KDM4C: variants seen among roughly 807,000 people sequenced by gnomAD.
The protein encoded by KDM4C is lysine-specific demethylase 4C.
KDM4C carries 81 observed loss-of-function variants against 129.3 expected under a neutral mutation model. That is an observed-to-expected ratio of 0.63 (90% CI 0.52 to 0.75). The LOEUF (loss-of-function observed/expected upper bound fraction) is 0.75. KDM4C is among the 30% of genes least tolerant of loss of function. KDM4C has a pLI of 0.00. For synonymous variants in KDM4C, 573 were observed against 456.1 expected (o/e 1.26, Z -3.26); for missense variants, 1,457 against 1,304.0 (o/e 1.12, Z -1.81).
At chr9:7,075,741 G>T (rs530615029) in intron 17 of KDM4C, among the ~76,000 whole-genome samples, 1 of 152,084 alleles carries the variant, frequency 6.6e-6, no homozygotes, top group South Asian at 2.1e-4. Flanking sequence ...TGCTTATCAG[G>T]AAGGACAAGC....
At chr9:7,114,513 A>G (rs1587711560) in intron 18 of KDM4C, among the ~76,000 whole-genome samples, 2 of 152,350 alleles carry the variant, frequency 1.3e-5, no homozygotes, top group African/African-American at 4.8e-5. Context: ...CTCTCTCAAA[A>G]TACGGTTTTA....
chr9:6,807,622 G>C (rs1830269030), intron 3 of KDM4C, among the ~76,000 whole-genome samples: 1 of 150,242 alleles, frequency 6.7e-6, no homozygotes, highest in Non-Finnish European at 1.5e-5. Context: ...CCCCGTCTGA[G>C]AAGTGAGGAT....
intron 1 of KDM4C, among the ~76,000 whole-genome samples, chr9:6,729,075 G>C (rs79584014): frequency 0.24 from 33,805 of 143,110 alleles, 5,235 homozygotes; most frequent in South Asian, 0.36. Flanking sequence ...TGAGGTGGTG[G>C]GTGTCTGTAA....
intron 2 of KDM4C, among the ~76,000 whole-genome samples, chr9:6,802,206 AC>A (rs1228539288): frequency 6.6e-6 from 1 of 152,208 alleles, no homozygotes; most frequent in Admixed American, 6.5e-5. Flanking sequence ...ACACTTGAGT[AC>A]CATTGTACAC....
intron 21 of KDM4C, chr9:7,170,770 C>G (rs954136253): frequency 1.0e-6 from 1 of 983,586 alleles, no homozygotes; most frequent in African/African-American, 1.8e-5. Context: ...GTGATAGAGT[C>G]ACTATAGATT....
chr9:6,724,326 G>A (rs1420169450), intron 1 of KDM4C, among the ~76,000 whole-genome samples: 1 of 152,184 alleles, frequency 6.6e-6, no homozygotes, highest in Non-Finnish European at 1.5e-5. Flanking sequence ...AGCAGCAATT[G>A]TTGGCTTGTT....
intron 18 of KDM4C, among the ~76,000 whole-genome samples, chr9:7,116,862 C>G (rs112057828): frequency 0.013 from 1,959 of 152,254 alleles, 38 homozygotes; most frequent in African/African-American, 0.045. Flanking sequence ...GCACAGTTAC[C>G]TCTTCCTCTC....
chr9:6,746,031 C>T (rs1042295088), intron 1 of KDM4C, among the ~76,000 whole-genome samples: 1 of 152,018 alleles, frequency 6.6e-6, no homozygotes, highest in Non-Finnish European at 1.5e-5. Context: ...GTCTTGAACC[C>T]CCAACCTCAG....
chr9:7,113,590 C>T (rs1008807223), intron 18 of KDM4C, among the ~76,000 whole-genome samples: 2 of 152,148 alleles, frequency 1.3e-5, no homozygotes, highest in East Asian at 3.8e-4. Flanking sequence ...TTGAGGAGAG[C>T]CACTGCAAAC....
rs550963097 is a variant in KDM4C, at chr9:6,739,567, T to C, written c.49+18570T>C. Among the ~76,000 whole-genome samples the C allele has an allele frequency of 4.6e-5, 7 of 152,280 alleles. No individual in the cohort carries two copies. The East Asian group carries it at 1.2e-3, about 25-fold the overall frequency. Reference sequence around the variant, plus strand: ...AAGTAGCATTAAATGTGGTTACCCATTTGGTTTTACTCACAGTTTTAGATA... The same window carrying C: ...AAGTAGCATTAAATGTGGTTACCCACTTGGTTTTACTCACAGTTTTAGATA... On this transcript the variant is annotated intron_variant, in intron 1 of 17. Coordinates refer to the KDM4C transcript ENST00000536108.
chr9:7,163,629 C>A (rs978261117), intron 19 of KDM4C, among the ~76,000 whole-genome samples: 7 of 152,106 alleles, frequency 4.6e-5, no homozygotes, highest in African/African-American at 1.4e-4. Flanking sequence ...ACCTCGGAGA[C>A]TGACGCATGT....
intron 3 of KDM4C, among the ~76,000 whole-genome samples, chr9:6,807,573 G>A (rs975660966): frequency 7.5e-5 from 11 of 146,156 alleles, no homozygotes; most frequent in Middle Eastern, 6.8e-3. Flanking sequence ...GCCCGGCCGA[G>A]ACCCCGTCTG....
intron 1 of KDM4C, among the ~76,000 whole-genome samples, chr9:6,747,539 C>CAAAAAAAA (rs35996555): frequency 5.1e-5 from 5 of 97,980 alleles, no homozygotes; most frequent in African/African-American, 1.5e-4. Flanking sequence ...CAGGGCGATT[C>CAAAAAAAA]AAAAAAAAAA....
chr9:6,771,605 C>T (rs541550928), intron 1 of KDM4C, among the ~76,000 whole-genome samples: 1 of 152,180 alleles, frequency 6.6e-6, no homozygotes, highest in African/African-American at 2.4e-5. Context: ...GCCACTGCAC[C>T]CGGCCAGTAT....
At chr9:6,844,470 C>A (rs948531682) in intron 4 of KDM4C, among the ~76,000 whole-genome samples, 5 of 152,302 alleles carry the variant, frequency 3.3e-5, no homozygotes, top group African/African-American at 9.6e-5. Flanking sequence ...CATAAGGCTT[C>A]CTTTAATATG....
intron 17 of KDM4C, among the ~76,000 whole-genome samples, chr9:7,085,712 C>T (rs1835034649): frequency 6.6e-6 from 1 of 152,118 alleles, no homozygotes; most frequent in African/African-American, 2.4e-5. Context: ...TCTTCTCAGA[C>T]TGCGTGGTGG....
intron 15 of KDM4C, among the ~76,000 whole-genome samples, chr9:7,041,718 A>G (rs770791611): frequency 2.6e-5 from 4 of 151,890 alleles, no homozygotes; most frequent in Non-Finnish European, 5.9e-5. Context: ...CATGTGCTTT[A>G]TTGCAGCTTT....
intron 4 of KDM4C, 187 bp downstream of exon 4, chr9:6,814,932 C>T (rs59374993): frequency 0.11 from 48,105 of 419,698 alleles, 3,680 homozygotes; most frequent in African/African-American, 0.27. Context: ...GCTAGATAAT[C>T]GTACAAATAC....
chr9:6,902,983 C>T (rs937996616), intron 8 of KDM4C, among the ~76,000 whole-genome samples: 2 of 151,880 alleles, frequency 1.3e-5, no homozygotes. Flanking sequence ...ATTTGAAAGG[C>T]CGTGTTTTGT....
Sources: gnomAD v4.1 joint callset for allele counts (sites outside exome capture counted in the v4.1 genomes callset) on GRCh38, gnomAD v4.1.1 for gene constraint, MANE v1.5 for transcripts, NCBI Gene and HGNC (gene_info 2026-07-23, HGNC 2026-07-21) for gene names.